UGGT2: variants seen among roughly 807,000 people sequenced by gnomAD.
UGGT2 encodes the protein UDP-glucose glycoprotein glucosyltransferase 2.
A neutral mutation model predicts 192.1 loss-of-function variants in UGGT2; 180 were observed. The observed-to-expected ratio is 0.94, with a 90% CI of 0.83 to 1.06. The LOEUF is 1.06. Among genes scored for constraint, UGGT2 ranks in the 50% least tolerant of loss-of-function variants. The probability of loss-of-function intolerance (pLI) is 0.00; values close to 1 mark genes in which losing one functional copy is unlikely to be tolerated. For synonymous variants in UGGT2, 580 were observed against 591.0 expected (o/e 0.98, Z 0.27); for missense variants, 1,849 against 1,795.7 (o/e 1.03, Z -0.54).
At chr13:95,898,325 C>T (rs1369424531) in intron 22 of UGGT2, among the ~76,000 whole-genome samples, 1 of 152,056 alleles carries the variant, frequency 6.6e-6, no homozygotes, top group African/African-American at 2.4e-5. Context: ...TCCTATAAAA[C>T]CCAATATGAT....
intron 20 of UGGT2, among the ~76,000 whole-genome samples, chr13:95,923,740 C>T (rs1263016867): frequency 6.6e-6 from 1 of 152,090 alleles, no homozygotes; most frequent in Non-Finnish European, 1.5e-5. Flanking sequence ...TTCTTGTTGA[C>T]ACAACATTGT....
chr13:96,015,256 C>T (rs1260330907), intron 4 of UGGT2, among the ~76,000 whole-genome samples: 4 of 137,630 alleles, frequency 2.9e-5, no homozygotes, highest in Admixed American at 7.7e-5. Context: ...CCAGTCTGGG[C>T]AACAGAGCAA....
intron 20 of UGGT2, among the ~76,000 whole-genome samples, chr13:95,910,189 G>A (rs1270670898): frequency 6.6e-6 from 1 of 152,004 alleles, no homozygotes; most frequent in Non-Finnish European, 1.5e-5. Context: ...TCAATTAACA[G>A]GCAAAATAAC....
At chr13:95,948,206 A>T in intron 13 of UGGT2, 125 bp from the exon 14 acceptor site, 2 of 505,804 alleles carry the variant, frequency 4.0e-6, no homozygotes, top group South Asian at 2.0e-5. Flanking sequence ...AAATTCTAGC[A>T]ATTCTAAGGA....
chr13:95,808,569 A>G (rs963198240), intron 38 of UGGT2, among the ~76,000 whole-genome samples: 7 of 152,098 alleles, frequency 4.6e-5, no homozygotes, highest in African/African-American at 1.7e-4. Flanking sequence ...TTTGTACACA[A>G]TTCTTCACAT....
chr13:95,963,285 T>C (rs559233705), intron 12 of UGGT2, among the ~76,000 whole-genome samples: 7 of 151,576 alleles, frequency 4.6e-5, no homozygotes, highest in Admixed American at 2.6e-4. Flanking sequence ...ATCACATCAA[T>C]AGAAGAAAAA....
chr13:95,936,787 TA>T, intron 17 of UGGT2, 136 bp downstream of exon 17: 3 of 903,322 alleles, frequency 3.3e-6, no homozygotes, highest in Non-Finnish European at 4.7e-6. Context: ...CTGCTAAAAG[TA>T]TCATTTTAAA....
intron 20 of UGGT2, among the ~76,000 whole-genome samples, chr13:95,907,043 A>C (rs1188387591): frequency 6.6e-6 from 1 of 152,186 alleles, no homozygotes; most frequent in African/African-American, 2.4e-5. Flanking sequence ...GAAAAATGGG[A>C]CACTTCTGCC....
chr13:95,908,783 T>C (rs1237264845), intron 20 of UGGT2, among the ~76,000 whole-genome samples: 3 of 132,396 alleles, frequency 2.3e-5, no homozygotes, highest in African/African-American at 8.5e-5. Context: ...TGCCCACTTT[T>C]TGATGGGGTT....
Position 95,927,351 on chromosome 13 carries a change from A to T in UGGT2, c.1978-15T>A. The T allele has an allele frequency of 1.3e-6, 2 of 1,589,542 alleles. No individual in the cohort carries two copies. The highest frequency in any genetic ancestry group is 1.7e-6 in the Non-Finnish European group (2 of 1,171,164). On this transcript the variant is annotated splice_polypyrimidine_tract_variant and intron_variant, in intron 17 of 38. Transcript: ENST00000376747. ...TTTAATGTGCCCTAAAAAAACAAAAATGTTATTTAGATAATACAGGCAATT... is the reference window on the plus strand; with the variant it reads ...TTTAATGTGCCCTAAAAAAACAAAATTGTTATTTAGATAATACAGGCAATT...
At chr13:95,817,122 T>C (rs1353990378) in intron 38 of UGGT2, among the ~76,000 whole-genome samples, 1 of 152,002 alleles carries the variant, frequency 6.6e-6, no homozygotes, top group Non-Finnish European at 1.5e-5. Context: ...AGCAAGACTT[T>C]GTCTCAAAAA....
intron 25 of UGGT2, 48 bp downstream of exon 25, chr13:95,890,814 T>C: frequency 6.9e-7 from 1 of 1,443,436 alleles, no homozygotes; most frequent in South Asian, 1.2e-5. Context: ...CTTGAAAAAA[T>C]TATGAATTTA....
At chr13:95,983,756 CAG>C in intron 10 of UGGT2, 46 bp downstream of exon 10, 1 of 1,319,586 alleles carries the variant, frequency 7.6e-7, no homozygotes, top group South Asian at 1.4e-5. Flanking sequence ...AAGTCAGAAA[CAG>C]TGATATTAGT....
In UGGT2 at chr13:95,895,198, A is replaced by C. The variant is rs543273482; in HGVS notation, c.2741T>G (p.Met914Arg). 1 of 1,585,998 alleles carries C rather than the reference A, an allele frequency of 6.3e-7. No individual in the cohort carries two copies. Among genetic ancestry groups the C allele is most frequent in the Non-Finnish European group, 8.5e-7 (1 of 1,172,972 alleles). Residue 914 changes from methionine to arginine, a missense_variant, in exon 23 of 39, where the codon ATG becomes AGG. Transcript: ENST00000376747. Reference sequence around the variant, plus strand: ...TACTCACTTATTTGCGTTGATTCCCATATTTTCAACAATGCCTTTAATTTT... The same window carrying C: ...TACTCACTTATTTGCGTTGATTCCCCTATTTTCAACAATGCCTTTAATTTT... ...GEKIKGIVEN[M>R]GINANNMSDF...
intron 36 of UGGT2, among the ~76,000 whole-genome samples, chr13:95,839,400 G>T (rs1887630267): frequency 6.6e-6 from 1 of 152,086 alleles, no homozygotes; most frequent in Admixed American, 6.5e-5. Flanking sequence ...ACATTATCAG[G>T]TTTTTGTGTC....
intron 26 of UGGT2, among the ~76,000 whole-genome samples, chr13:95,887,121 T>C (rs1372517826): frequency 3.9e-5 from 6 of 152,162 alleles, no homozygotes; most frequent in Admixed American, 6.5e-5. Flanking sequence ...TTGTAACAAA[T>C]ACAATTTGAA....
chr13:95,903,241 C>T (rs1225685469), intron 20 of UGGT2, among the ~76,000 whole-genome samples, 181 bp from the exon 21 acceptor site: 1 of 152,140 alleles, frequency 6.6e-6, no homozygotes, highest in Non-Finnish European at 1.5e-5. Context: ...AATCATTTTA[C>T]TAACTCTAAT....
At chr13:95,854,559 C>T (rs1007557175) in intron 34 of UGGT2, 84 bp from the exon 35 acceptor site, 3 of 1,223,276 alleles carry the variant, frequency 2.5e-6, no homozygotes, top group South Asian at 1.8e-5. Context: ...CATTATTACT[C>T]TACTACAGAA....
intron 5 of UGGT2, among the ~76,000 whole-genome samples, chr13:96,009,391 C>T (rs1406846989): frequency 6.6e-6 from 1 of 152,198 alleles, no homozygotes; most frequent in Admixed American, 6.5e-5. Context: ...AAATTATCAA[C>T]AGAGTAAACA....
Sources: allele counts gnomAD v4.1 joint callset (sites outside exome capture counted in the v4.1 genomes callset), GRCh38; gene constraint gnomAD v4.1.1; transcripts MANE v1.5; gene names NCBI Gene and HGNC (gene_info 2026-07-23, HGNC 2026-07-21).